Variants in ZNF652 observed in about 807,000 individuals in gnomAD.
The protein encoded by ZNF652 is zinc finger protein 652.
A neutral mutation model predicts 45.2 loss-of-function variants in ZNF652; 16 were observed. The observed-to-expected ratio is 0.35, with a 90% confidence interval of 0.24 to 0.54. The LOEUF is 0.54. Among genes scored for constraint, ZNF652 ranks in the 20% least tolerant of loss-of-function variants. The probability of loss-of-function intolerance (pLI) is 0.91; values close to 1 mark genes in which losing one functional copy is unlikely to be tolerated. For missense variants in ZNF652, 614 were observed against 765.6 expected, an observed-to-expected ratio of 0.80 and a Z score of 2.34; for synonymous variants, 250 against 260.6, an observed-to-expected ratio of 0.96 and a Z score of 0.39.
intron 1 of ZNF652, among the ~76,000 whole-genome samples, chr17:49,357,450 G>A (rs1436712718): frequency 6.6e-6 from 1 of 152,042 alleles, no homozygotes; most frequent in Admixed American, 6.6e-5. Context: ...TCCTTCCCTT[G>A]CCAAAGTAAA....
chr17:49,340,409 A>G (rs1440075030), intron 1 of ZNF652, among the ~76,000 whole-genome samples: 1 of 152,050 alleles, frequency 6.6e-6, no homozygotes, highest in East Asian at 1.9e-4. Flanking sequence ...TACAAAAATT[A>G]GGTGGGTGTG....
At chr17:49,300,472 G>A (rs575940969) in intron 5 of ZNF652, among the ~76,000 whole-genome samples, 1 of 152,246 alleles carries the variant, frequency 6.6e-6, no homozygotes, top group East Asian at 1.9e-4. Context: ...ACTTTCTTTT[G>A]AACTTATTGC....
intron 1 of ZNF652, among the ~76,000 whole-genome samples, chr17:49,340,152 C>T (rs570894199): frequency 2.0e-4 from 31 of 152,266 alleles, no homozygotes; most frequent in African/African-American, 6.5e-4. Context: ...CAGTGAATCA[C>T]GCCTGTAATC....
chr17:49,323,868 CT>C (rs574978442), intron 1 of ZNF652, among the ~76,000 whole-genome samples: 345 of 152,278 alleles, frequency 2.3e-3, no homozygotes, highest in Non-Finnish European at 3.6e-3. Context: ...GTTATTCAGG[CT>C]TTGTTGTTTC....
At chr17:49,361,090 CAG>C (rs1250091779) in intron 1 of ZNF652, 1 of 152,296 alleles carries the variant, frequency 6.6e-6, no homozygotes, top group Non-Finnish European at 1.5e-5. Context: ...TCCGCGGTGA[CAG>C]GGGCTGCTCG....
At position 49,291,569 on chromosome 17, in the gene ZNF652, A is replaced by G. The variant is rs2069404929; in HGVS notation, c.*6844T>C. The G allele has an allele frequency of 6.6e-6, 1 of 152,228 alleles. No individual in the cohort carries two copies. The highest frequency in any genetic ancestry group is 1.5e-5 in the Non-Finnish European group (1 of 68,046). The allele number at this position is 152,228 out of a possible 1,614,324, so 9.4% of individuals were successfully genotyped here. ...TATGGGAACACTTCTCAGGGGCAGGAACTCCCTTGAATGTGTGTGTCAGAA... is the reference window on the plus strand; with the variant it reads ...TATGGGAACACTTCTCAGGGGCAGGGACTCCCTTGAATGTGTGTGTCAGAA... On this transcript the variant is annotated 3_prime_UTR_variant, in exon 6 of 6. Coordinates refer to ENST00000430262, the MANE Select transcript of ZNF652 (RefSeq NM_001145365.3).
rs2070408304 is a variant in ZNF652 at position 49,362,229 on chromosome 17, G to A, written c.-579C>T. The A allele has an allele frequency of 6.6e-6, 1 of 150,632 alleles. No homozygotes were observed. The highest frequency in any genetic ancestry group is 1.5e-5 in the Non-Finnish European group (1 of 67,276). The allele number at this position is 150,632 out of a possible 1,614,324, so 9.3% of individuals were successfully genotyped here. On this transcript the variant is annotated 5_prime_UTR_variant, in exon 1 of 6. Coordinates refer to ENST00000430262, the MANE Select transcript of ZNF652 (RefSeq NM_001145365.3). ...TGCGTGTGTGGATGTGTGTGCCGGA[G>A]GGGGCAGGGAGGGAGGCGAGCGGCG...
Position 49,324,476 on chromosome 17 carries a change from C to T in ZNF652, c.-258-6493G>A, listed in dbSNP as rs140200191. Reference sequence around the variant, plus strand: ...CGTGATCTCAGCTCACTGCAACCTCCACCTCCTGGGTTCAAGCGATTCTCC... The same window carrying T: ...CGTGATCTCAGCTCACTGCAACCTCTACCTCCTGGGTTCAAGCGATTCTCC... On this transcript the variant is annotated intron_variant, in intron 1 of 5. Coordinates refer to ENST00000430262, the MANE Select transcript of ZNF652 (RefSeq NM_001145365.3). 7.7e-3 allele frequency among the ~76,000 whole-genome samples: 1,178 copies of T among 152,156 alleles called. 22 individuals are homozygous for T. Among genetic ancestry groups the T allele is most frequent in the African/African-American group, 0.025 (1,029 of 41,492 alleles).
chr17:49,346,621 T>C (rs1046773753), intron 1 of ZNF652, among the ~76,000 whole-genome samples: 53 of 152,226 alleles, frequency 3.5e-4, no homozygotes, highest in African/African-American at 1.3e-3. Flanking sequence ...ATTTTAATCT[T>C]TAGCTTCAAA....
downstream of ZNF652, chr17:49,288,570 C>T (rs2069364030): frequency 6.6e-6 from 1 of 152,150 alleles, no homozygotes; most frequent in Non-Finnish European, 1.5e-5. Context: ...GCCCACACCA[C>T]CTGACATTAT....
At chr17:49,332,118 CA>C (rs1162542736) in intron 1 of ZNF652, among the ~76,000 whole-genome samples, 1 of 151,182 alleles carries the variant, frequency 6.6e-6, no homozygotes, top group Non-Finnish European at 1.5e-5. Context: ...ACTGATAATA[CA>C]AAAATTTAGC....
rs532595370 is a variant in ZNF652, at chr17:49,305,615, T to C, written c.1309+5697A>G. ...AGTGCTTACAACAGTATCTGGCACA[T>C]AGTACTCAATGCATTTTACCTGCTA... On this transcript the variant is annotated intron_variant, in intron 5 of 5. Coordinates refer to ENST00000430262, the MANE Select transcript of ZNF652 (RefSeq NM_001145365.3). Among the ~76,000 whole-genome samples, 17 of 152,180 alleles carry C rather than the reference T, an allele frequency of 1.1e-4. No individual in the cohort carries two copies. In the East Asian group the frequency reaches 2.9e-3, roughly 26 times the overall value.
intron 1 of ZNF652, among the ~76,000 whole-genome samples, chr17:49,351,027 A>ATATG (rs2070275947): frequency 7.0e-5 from 6 of 85,702 alleles, no homozygotes; most frequent in Non-Finnish European, 8.9e-5. Context: ...ACACACACAC[A>ATATG]CACACACACA....
chr17:49,326,241 TA>T (rs56916451), intron 1 of ZNF652, among the ~76,000 whole-genome samples: 4,739 of 93,998 alleles, frequency 0.05, 164 homozygotes, highest in African/African-American at 0.12. Context: ...ACCCCATCTC[TA>T]AAAAAAAAAA....
chr17:49,333,545 T>TGAAAAAAAAA (rs1453658365), intron 1 of ZNF652, among the ~76,000 whole-genome samples: 4 of 48,114 alleles, frequency 8.3e-5, no homozygotes, highest in Non-Finnish European at 1.1e-4. Flanking sequence ...CTGTCTCTAC[T>TGAAAAAAAAA]AAAAAAAAAA....
At chr17:49,333,279 G>A (rs953208948) in intron 1 of ZNF652, among the ~76,000 whole-genome samples, 20 of 150,222 alleles carry the variant, frequency 1.3e-4, no homozygotes, top group African/African-American at 2.9e-4. Flanking sequence ...GGATGGTCTC[G>A]ATCTCCCAAC....
chr17:49,310,892 G>A (rs1287602291), intron 5 of ZNF652, among the ~76,000 whole-genome samples: 1 of 152,114 alleles, frequency 6.6e-6, no homozygotes, highest in Non-Finnish European at 1.5e-5. Flanking sequence ...ATGGAAAAGA[G>A]ACCCTGTCTT....
intron 4 of ZNF652, 119 bp from the exon 5 acceptor site, chr17:49,311,575 G>A: frequency 8.7e-7 from 1 of 1,145,532 alleles, no homozygotes; most frequent in Admixed American, 2.6e-5. Context: ...ACCTGCTTGT[G>A]TCAGCTATTT....
At chr17:49,322,702 G>C (rs904316138) in intron 1 of ZNF652, among the ~76,000 whole-genome samples, 1 of 152,124 alleles carries the variant, frequency 6.6e-6, no homozygotes, top group African/African-American at 2.4e-5. Flanking sequence ...TGGCTAACAT[G>C]GTGAAACCCC....
Sources: gnomAD v4.1 joint callset for allele counts (sites outside exome capture counted in the v4.1 genomes callset) on GRCh38, gnomAD v4.1.1 for gene constraint, MANE v1.5 for transcripts, NCBI Gene and HGNC (gene_info 2026-07-23, HGNC 2026-07-21) for gene names.